Variants in LINGO2 observed in about 807,000 individuals in gnomAD.
The protein encoded by LINGO2 is leucine-rich repeat and immunoglobulin-like domain-containing nogo receptor-interacting protein 2.
LINGO2 carries 14 observed loss-of-function variants against 30.6 expected under a neutral mutation model. That is an observed-to-expected ratio of 0.46 (90% CI 0.30 to 0.72). The LOEUF is 0.72. Ranked by LOEUF, LINGO2 falls within the 30% of genes least tolerant of loss-of-function variation. The pLI is 0.07. For synonymous variants in LINGO2, 317 were observed against 288.5 expected (o/e 1.10, Z -1.00); for missense variants, 729 against 751.7 (o/e 0.97, Z 0.35).
intron 3 of LINGO2, among the ~76,000 whole-genome samples, chr9:28,344,703 T>A (rs1172204317): frequency 2.7e-5 from 4 of 150,852 alleles, no homozygotes; most frequent in East Asian, 3.8e-4. Context: ...TAGTAAAAAA[T>A]ATCCACTCTC....
At chr9:28,297,341 C>T (rs1395152534) in intron 3 of LINGO2, among the ~76,000 whole-genome samples, 1 of 152,144 alleles carries the variant, frequency 6.6e-6, no homozygotes, top group Non-Finnish European at 1.5e-5. Flanking sequence ...TTTCCACTAA[C>T]TTTTGTTCAT....
the LINGO2 span, among the ~76,000 whole-genome samples, chr9:28,698,199 T>G: frequency 2.1e-4 from 32 of 152,204 alleles, no homozygotes; most frequent in African/African-American, 7.2e-4. Context: ...TCATGCTTTT[T>G]ACTTACACGA....
chr9:28,961,227 T>C, the LINGO2 span, among the ~76,000 whole-genome samples: 1 of 152,118 alleles, frequency 6.6e-6, no homozygotes, highest in African/African-American at 2.4e-5. Flanking sequence ...AGAATGCACA[T>C]AGGTTTGCCT....
chr9:28,623,724 C>A (rs1407178596), intron 1 of LINGO2, among the ~76,000 whole-genome samples: 6 of 151,160 alleles, frequency 4.0e-5, no homozygotes, highest in Admixed American at 3.3e-4. Context: ...TTTTCTATTT[C>A]TTTGAAGAAT....
intron 4 of LINGO2, among the ~76,000 whole-genome samples, chr9:28,079,238 C>G (rs1030164983): frequency 6.6e-6 from 1 of 152,110 alleles, no homozygotes; most frequent in African/African-American, 2.4e-5. Flanking sequence ...TGAATATAAA[C>G]ATGATTTACT....
intron 4 of LINGO2, among the ~76,000 whole-genome samples, chr9:28,216,764 T>C (rs1296458397): frequency 6.6e-6 from 1 of 151,946 alleles, no homozygotes; most frequent in East Asian, 1.9e-4. Flanking sequence ...TCATTTATGA[T>C]CATTATTGAA....
At chr9:28,796,568 T>C in the LINGO2 span, among the ~76,000 whole-genome samples, 6 of 152,072 alleles carry the variant, frequency 3.9e-5, no homozygotes, top group Non-Finnish European at 7.4e-5. Flanking sequence ...TTTTTCATTG[T>C]TTAACTGAAA....
At chr9:28,062,307 G>C (rs1825169621) in intron 4 of LINGO2, among the ~76,000 whole-genome samples, 1 of 151,662 alleles carries the variant, frequency 6.6e-6, no homozygotes, top group Admixed American at 6.6e-5. Context: ...TTTCATTAAG[G>C]AGTTAGCATT....
chr9:28,184,313 A>G (rs1199971599), intron 4 of LINGO2, among the ~76,000 whole-genome samples: 1 of 152,202 alleles, frequency 6.6e-6, no homozygotes, highest in African/African-American at 2.4e-5. Flanking sequence ...AGTGGTACCC[A>G]TTCTCTTAAG....
At chr9:28,271,979 G>A (rs144205375) in intron 4 of LINGO2, among the ~76,000 whole-genome samples, 210 of 152,228 alleles carry the variant, frequency 1.4e-3, no homozygotes, top group Admixed American at 2.2e-3. Flanking sequence ...ACACCTCATC[G>A]GAATCTGTTG....
chr9:27,975,613 ATATT>A (rs1431772964), intron 5 of LINGO2, among the ~76,000 whole-genome samples: 1 of 152,152 alleles, frequency 6.6e-6, no homozygotes, highest in Non-Finnish European at 1.5e-5. Flanking sequence ...AGCTCCATAT[ATATT>A]AAGACCCTGT....
the LINGO2 span, among the ~76,000 whole-genome samples, chr9:28,764,252 T>A: frequency 6.6e-6 from 1 of 151,090 alleles, no homozygotes; most frequent in Non-Finnish European, 1.5e-5. Context: ...GATGAAAAAA[T>A]CCTCTCTAAA....
the LINGO2 span, among the ~76,000 whole-genome samples, chr9:28,694,193 T>C: frequency 1.3e-5 from 2 of 151,934 alleles, no homozygotes; most frequent in Non-Finnish European, 2.9e-5. Flanking sequence ...CAAATAAAGA[T>C]TGCAAGTAGA....
the LINGO2 span, among the ~76,000 whole-genome samples, chr9:29,145,603 C>A: frequency 6.6e-6 from 1 of 151,996 alleles, no homozygotes; most frequent in Admixed American, 6.6e-5. Flanking sequence ...AAGCAATCAA[C>A]CAAAATATAT....
At chr9:28,780,368 T>C in the LINGO2 span, among the ~76,000 whole-genome samples, 1 of 152,132 alleles carries the variant, frequency 6.6e-6, no homozygotes, top group Non-Finnish European at 1.5e-5. Context: ...TTTGTAACAA[T>C]GGACAGCTTA....
At chr9:28,388,798 A>G (rs940377160) in intron 2 of LINGO2, among the ~76,000 whole-genome samples, 1 of 152,192 alleles carries the variant, frequency 6.6e-6, no homozygotes, top group Non-Finnish European at 1.5e-5. Flanking sequence ...GAACTAAATC[A>G]GATATAATTT....
intron 2 of LINGO2, among the ~76,000 whole-genome samples, chr9:28,402,380 A>G (rs1822307437): frequency 6.6e-6 from 1 of 152,214 alleles, no homozygotes; most frequent in Admixed American, 6.5e-5. Context: ...AATCTAATGC[A>G]GAGTAGAAGA....
chr9:29,204,710 A>G, the LINGO2 span, among the ~76,000 whole-genome samples: 1 of 152,102 alleles, frequency 6.6e-6, no homozygotes, highest in African/African-American at 2.4e-5. Flanking sequence ...CTATTTTCCT[A>G]TTGGACATTT....
chr9:28,270,708 C>T (rs554835721), intron 4 of LINGO2, among the ~76,000 whole-genome samples: 1 of 152,070 alleles, frequency 6.6e-6, no homozygotes, highest in African/African-American at 2.4e-5. Context: ...CGAATTTGTG[C>T]TTGTTGGGAA....
Sources: gnomAD v4.1 joint callset for allele counts (sites outside exome capture counted in the v4.1 genomes callset) on GRCh38, gnomAD v4.1.1 for gene constraint, MANE v1.5 for transcripts, NCBI Gene and HGNC (gene_info 2026-07-23, HGNC 2026-07-21) for gene names.